ROBO2: variants seen among roughly 807,000 people sequenced by gnomAD.
The protein encoded by ROBO2 is roundabout homolog 2.
Under a neutral mutation model 160.8 loss-of-function variants are expected in ROBO2, and 53 were observed. That is an observed-to-expected ratio of 0.33 (90% CI 0.26 to 0.41). The LOEUF is 0.41. ROBO2 is among the 10% of genes least tolerant of loss of function. ROBO2 has a pLI of 1.00. For missense variants in ROBO2, 1,577 were observed against 1,722.4 expected, an observed-to-expected ratio of 0.92 and a Z score of 1.49; for synonymous variants, 664 against 611.7, an observed-to-expected ratio of 1.09 and a Z score of -1.26.
chr3:76,795,956 A>G lies in ROBO2; in HGVS notation c.110-302058A>G, dbSNP rs1169723523. The stretch of plus-strand genomic sequence containing the variant: ...GCATTAGCAGGCATGAAACAACATT[A>G]ATTTTTTTATACATCTCCATCAGAA... On this transcript the variant is annotated intron_variant, in intron 2 of 26. Transcript: ENST00000487694. Among the ~76,000 whole-genome samples the G allele has an allele frequency of 7.2e-5, 11 of 152,236 alleles. No homozygotes were observed. In the East Asian group the frequency reaches 2.1e-3, roughly 29 times the overall value.
intron 2 of ROBO2, among the ~76,000 whole-genome samples, chr3:76,113,664 C>T (rs913704970): frequency 2.0e-5 from 3 of 152,156 alleles, no homozygotes; most frequent in Non-Finnish European, 4.4e-5. Context: ...TCTGTGGTAG[C>T]TGCCCCACTC....
intron 2 of ROBO2, among the ~76,000 whole-genome samples, chr3:76,941,415 C>A (rs2078178129): frequency 6.6e-6 from 1 of 152,098 alleles, no homozygotes; most frequent in Non-Finnish European, 1.5e-5. Flanking sequence ...AATACAAATT[C>A]TTCACCTAGA....
intron 2 of ROBO2, among the ~76,000 whole-genome samples, chr3:76,399,373 A>G (rs116466765): frequency 9.9e-5 from 15 of 151,746 alleles, no homozygotes; most frequent in Non-Finnish European, 2.1e-4. Context: ...CATTATTGCT[A>G]TTGTACACAT....
At chr3:77,071,083 A>G (rs1578712867) in intron 1 of ROBO2, among the ~76,000 whole-genome samples, 1 of 152,202 alleles carries the variant, frequency 6.6e-6, no homozygotes, top group Non-Finnish European at 1.5e-5. Flanking sequence ...GCAGAAGGTT[A>G]TGCTGTGAAA....
intron 2 of ROBO2, among the ~76,000 whole-genome samples, chr3:76,823,117 C>T (rs1291306023): frequency 1.3e-5 from 2 of 152,064 alleles, no homozygotes; most frequent in Non-Finnish European, 2.9e-5. Flanking sequence ...AATTATTATA[C>T]TTAATGATGC....
chr3:77,301,848 G>T (rs1457988771), intron 2 of ROBO2, among the ~76,000 whole-genome samples: 1 of 151,596 alleles, frequency 6.6e-6, no homozygotes, highest in Non-Finnish European at 1.5e-5. Flanking sequence ...TGTCCTCAGA[G>T]AAATTACTTG....
intron 2 of ROBO2, among the ~76,000 whole-genome samples, chr3:76,141,159 C>CTCTCTCTCTCTATA (rs1364431015): frequency 1.1e-4 from 1 of 9,174 alleles, no homozygotes; most frequent in Non-Finnish European, 1.8e-4. Flanking sequence ...CTCTCTCTCT[C>CTCTCTCTCTCTATA]TATATATATA....
At chr3:76,397,916 G>T (rs1184768033) in intron 2 of ROBO2, among the ~76,000 whole-genome samples, 10 of 151,964 alleles carry the variant, frequency 6.6e-5, no homozygotes, top group Non-Finnish European at 4.4e-5. Context: ...AGTCAGTGTG[G>T]CGATTCCTCA....
At chr3:76,307,414 T>C (rs1390099986) in intron 2 of ROBO2, among the ~76,000 whole-genome samples, 1 of 152,172 alleles carries the variant, frequency 6.6e-6, no homozygotes, top group Non-Finnish European at 1.5e-5. Context: ...GCATTTATTA[T>C]GTGTATTGTA....
chr3:77,508,727 A>G (rs1157952034), intron 5 of ROBO2, among the ~76,000 whole-genome samples: 1 of 152,030 alleles, frequency 6.6e-6, no homozygotes, highest in African/African-American at 2.4e-5. Flanking sequence ...TTTGATATAA[A>G]TGAAGGGTTT....
rs556539858 is a variant in ROBO2, at chr3:76,964,191, G to A, written c.110-133823G>A. ...GAATCCAAGTTTTTTTCTCATATGT[G>A]TGATTATTAAAGGGAAAAATGTGGA... On this transcript the variant is annotated intron_variant, in intron 2 of 26. Coordinates refer to the ROBO2 transcript ENST00000487694. Among the ~76,000 whole-genome samples, 8 of 152,240 alleles carry A rather than the reference G, an allele frequency of 5.3e-5. No individual in the cohort carries two copies. In the South Asian group the frequency reaches 1.7e-3, roughly 32 times the overall value.
Position 77,493,239 on chromosome 3 carries a change from T to C in ROBO2, c.668-5T>C. 3 of 1,613,558 alleles carry C rather than the reference T, an allele frequency of 1.9e-6. No homozygotes were observed. Among genetic ancestry groups the C allele is most frequent in the Non-Finnish European group, 2.5e-6 (3 of 1,179,628 alleles). On this transcript the variant is annotated splice_polypyrimidine_tract_variant and splice_region_variant and intron_variant, in intron 4 of 25. Coordinates refer to ENST00000461745, the Ensembl canonical transcript of ROBO2. ...TTTTACCATTGTTTCATTTTTTTTT[T>C]CAAGAACGACCCACATTTCTCAGGA...
At chr3:76,998,238 C>T (rs76610917) in intron 2 of ROBO2, among the ~76,000 whole-genome samples, 4 of 152,100 alleles carry the variant, frequency 2.6e-5, no homozygotes, top group Non-Finnish European at 2.9e-5. Context: ...TTGATACTTG[C>T]GTTCATCTAT....
chr3:76,173,063 G>A (rs1051654581), intron 2 of ROBO2, among the ~76,000 whole-genome samples: 6 of 151,868 alleles, frequency 4.0e-5, no homozygotes, highest in Admixed American at 1.3e-4. Flanking sequence ...ATGACCACAT[G>A]GCGTAAGGTG....
At position 77,274,520 on chromosome 3, in the gene ROBO2, T is replaced by C. The variant is rs565566000; in HGVS notation, c.388+176180T>C. Among the ~76,000 whole-genome samples the C allele has an allele frequency of 3.9e-5, 6 of 152,260 alleles. No homozygotes were observed. In the East Asian group the frequency reaches 9.6e-4, roughly 24 times the overall value. Reference sequence around the variant, plus strand: ...GTCACTTTGAAACCACTTTGAAATATCTTGCAGCATGGACGGTTGCCTAAT... The same window carrying C: ...GTCACTTTGAAACCACTTTGAAATACCTTGCAGCATGGACGGTTGCCTAAT... On this transcript the variant is annotated intron_variant, in intron 2 of 25. Coordinates refer to ENST00000461745, the Ensembl canonical transcript of ROBO2.
chr3:77,611,474 T>C (rs2094641244), intron 21 of ROBO2, among the ~76,000 whole-genome samples: 1 of 152,024 alleles, frequency 6.6e-6, no homozygotes, highest in African/African-American at 2.4e-5. Flanking sequence ...GCAGAATGGC[T>C]AGCAGAATGG....
intron 2 of ROBO2, among the ~76,000 whole-genome samples, chr3:77,463,612 ACT>A (rs752585266): frequency 6.6e-6 from 1 of 151,858 alleles, no homozygotes; most frequent in African/African-American, 2.4e-5. Context: ...ACAGAGTATC[ACT>A]CTGTTGCCCA....
intron 2 of ROBO2, among the ~76,000 whole-genome samples, chr3:76,066,418 A>C (rs949655584): frequency 6.6e-6 from 1 of 152,064 alleles, no homozygotes; most frequent in Non-Finnish European, 1.5e-5. Flanking sequence ...TAACCTCTTT[A>C]GTTGTACAAA....
At chr3:77,231,381 AAAAAGACACTAAGCT>A (rs2087179526) in intron 2 of ROBO2, among the ~76,000 whole-genome samples, 1 of 151,258 alleles carries the variant, frequency 6.6e-6, no homozygotes, top group African/African-American at 2.4e-5. Flanking sequence ...AAAAAAAAAA[AAAAAGACACTAAGCT>A]AAAAGACACT....
Sources: gnomAD v4.1 joint callset for allele counts (sites outside exome capture counted in the v4.1 genomes callset) on GRCh38, gnomAD v4.1.1 for gene constraint, MANE v1.5 for transcripts, NCBI Gene and HGNC (gene_info 2026-07-23, HGNC 2026-07-21) for gene names.